The following BCL7A variants were observed in gnomAD, a reference collection of about 807,000 sequenced individuals.
BCL7A encodes BAF chromatin remodeling complex subunit BCL7A, also known as B-cell CLL/lymphoma 7 protein family member A.
In BCL7A, 11 loss-of-function variants were observed where a neutral mutation model predicts 28.4. That is an observed-to-expected ratio of 0.39 (90% confidence interval 0.24 to 0.64). The LOEUF (loss-of-function observed/expected upper bound fraction) is 0.64. BCL7A is among the 30% of genes least tolerant of loss of function. The probability of loss-of-function intolerance (pLI) is 0.50; values close to 1 mark genes in which losing one functional copy is unlikely to be tolerated. For synonymous variants in BCL7A, 123 were observed against 103.3 expected (o/e 1.19, Z -1.15); for missense variants, 222 against 274.8 (o/e 0.81, Z 1.36).
intron 1 of BCL7A, among the ~76,000 whole-genome samples, chr12:122,027,056 G>A (rs182897412): frequency 2.0e-5 from 3 of 152,296 alleles, no homozygotes; most frequent in East Asian, 1.9e-4. Flanking sequence ...GACAGGAGGC[G>A]CGGGGCACAC....
chr12:122,024,467 T>TG (rs969277799), intron 1 of BCL7A, among the ~76,000 whole-genome samples: 2 of 151,582 alleles, frequency 1.3e-5, no homozygotes, highest in African/African-American at 4.8e-5. Flanking sequence ...TTTTTGTTTT[T>TG]TTTTTTTTTT....
At position 122,044,194 on chromosome 12, in the gene BCL7A, A is replaced by G. The variant is rs747813310; in HGVS notation, c.439+141A>G. The G allele has an allele frequency of 1.5e-5, 15 of 969,654 alleles. No individual in the cohort carries two copies. In the East Asian group the frequency reaches 1.7e-4, roughly 11 times the overall value. The allele number at this position is 969,654 out of a possible 1,614,324, so 60.1% of individuals were successfully genotyped here. ...TAAAGAGAGGTGACACCTGGAGTAC[A>G]TGGTCTCGTGGGGGAATTAAAAAAA... On this transcript the variant is annotated intron_variant, in intron 4 of 5. Coordinates refer to ENST00000261822, the MANE Select transcript of BCL7A (RefSeq NM_001024808.3).
chr12:122,049,093 G>A (rs1463404082), intron 4 of BCL7A, among the ~76,000 whole-genome samples: 1 of 143,102 alleles, frequency 7.0e-6, no homozygotes, highest in Non-Finnish European at 1.5e-5. Context: ...TAAAACTATA[G>A]GCATGTGCCT....
At position 122,055,780 on chromosome 12, in the gene BCL7A, G is replaced by A. The variant is rs369440322; in HGVS notation, c.561+854G>A. Among the ~76,000 whole-genome samples, 9 of 152,248 alleles carry A rather than the reference G, an allele frequency of 5.9e-5. No individual in the cohort carries two copies. The East Asian group carries it at 1.7e-3, about 29-fold the overall frequency. On this transcript the variant is annotated intron_variant, in intron 5 of 5. Coordinates refer to ENST00000261822, the MANE Select transcript of BCL7A (RefSeq NM_001024808.3). The stretch of plus-strand genomic sequence containing the variant: ...ATTACAGGTGCCTACCACTCTGCCT[G>A]GCTGATTTTTGTATTTTTAGTAGAG...
At chr12:122,044,829 ATATAAT>A (rs775494048) in intron 4 of BCL7A, among the ~76,000 whole-genome samples, 30 of 152,196 alleles carry the variant, frequency 2.0e-4, no homozygotes, top group Non-Finnish European at 3.5e-4. Flanking sequence ...CTGGCTCAAA[ATATAAT>A]TATATTAATA....
At chr12:122,049,018 A>T (rs1264393066) in intron 4 of BCL7A, among the ~76,000 whole-genome samples, 2 of 33,192 alleles carry the variant, frequency 6.0e-5, no homozygotes, top group African/African-American at 3.2e-4. Context: ...TGAAACGTGT[A>T]AAAAAAAAAA....
chr12:122,044,669 C>T (rs907343561), intron 4 of BCL7A, among the ~76,000 whole-genome samples: 3 of 151,796 alleles, frequency 2.0e-5, no homozygotes, highest in African/African-American at 7.3e-5. Context: ...CAAAAAAATG[C>T]TTTAAGATGA....
At chr12:122,045,695 G>A (rs1335613120) in intron 4 of BCL7A, among the ~76,000 whole-genome samples, 1 of 152,052 alleles carries the variant, frequency 6.6e-6, no homozygotes, top group East Asian at 1.9e-4. Context: ...TGGCTTTTGG[G>A]TTTCTTTTGC....
In BCL7A at chr12:122,021,961, T is replaced by TGA; in HGVS notation, c.-130_-129insAG. The stretch of plus-strand genomic sequence containing the variant: ...GTGTGTGTGTGTGTGTGTGTGTGAG[T>TGA]GTGTGCGTGTGAGAGTGCGAGTGTC... On this transcript the variant is annotated 5_prime_UTR_variant, in exon 1 of 6. Transcript: ENST00000261822. 6.5e-6 allele frequency: 4 copies of TGA among 619,886 alleles called. No homozygotes were observed. Among genetic ancestry groups the TGA allele is most frequent in the South Asian group, 3.6e-5 (2 of 56,072 alleles). 38.4% of individuals were successfully genotyped at this position (619,886 alleles called of 1,614,324 possible). A position where few individuals can be genotyped will look rare whatever the true frequency, so the allele number is the denominator to read the frequency against.
intron 4 of BCL7A, among the ~76,000 whole-genome samples, chr12:122,049,924 C>A (rs575828410): frequency 3.9e-5 from 6 of 151,976 alleles, no homozygotes; most frequent in Non-Finnish European, 8.8e-5. Context: ...AGGATGACAC[C>A]ACTAGCACAG....
At chr12:122,041,034 T>A (rs1451432282) in intron 3 of BCL7A, among the ~76,000 whole-genome samples, 1 of 152,006 alleles carries the variant, frequency 6.6e-6, no homozygotes, top group East Asian at 1.9e-4. Flanking sequence ...TTTTTTTTTT[T>A]AAGTCCCAGA....
At chr12:122,040,551 C>A (rs868325701) in intron 3 of BCL7A, among the ~76,000 whole-genome samples, 1,642 of 145,464 alleles carry the variant, frequency 0.011, 38 homozygotes, top group African/African-American at 0.039. Context: ...AAAAAAAAAA[C>A]CAAAAGATCC....
At chr12:122,053,574 G>A (rs1248523884) in intron 4 of BCL7A, among the ~76,000 whole-genome samples, 1 of 152,144 alleles carries the variant, frequency 6.6e-6, no homozygotes, top group Non-Finnish European at 1.5e-5. Context: ...AGGGTACCAT[G>A]GTGTCCGGGC....
At chr12:122,041,341 G>A (rs997451638) in intron 3 of BCL7A, among the ~76,000 whole-genome samples, 3 of 152,178 alleles carry the variant, frequency 2.0e-5, no homozygotes, top group African/African-American at 7.2e-5. Context: ...GGTGGCAGGT[G>A]CCCAGGTCTG....
intron 3 of BCL7A, among the ~76,000 whole-genome samples, chr12:122,037,744 C>T (rs772393910): frequency 4.0e-5 from 6 of 151,760 alleles, no homozygotes; most frequent in Admixed American, 6.6e-5. Context: ...GTTGGGAGTT[C>T]GAGACTAGCC....
chr12:122,023,068 G>A (rs995029032), intron 1 of BCL7A, among the ~76,000 whole-genome samples: 5 of 152,198 alleles, frequency 3.3e-5, no homozygotes, highest in African/African-American at 1.2e-4. Flanking sequence ...CGTGGTTTTC[G>A]GGATCACATT....
At chr12:122,035,720 G>A (rs1883836587) in intron 3 of BCL7A, among the ~76,000 whole-genome samples, 1 of 152,220 alleles carries the variant, frequency 6.6e-6, no homozygotes, top group Non-Finnish European at 1.5e-5. Flanking sequence ...AGCCTCGTGT[G>A]TCCAGGAAGA....
intron 5 of BCL7A, among the ~76,000 whole-genome samples, chr12:122,058,873 C>T (rs1410348787): frequency 1.3e-5 from 2 of 152,144 alleles, no homozygotes; most frequent in Non-Finnish European, 2.9e-5. Flanking sequence ...CCAGGGGACA[C>T]CGCGCTCCAT....
At position 122,021,971 on chromosome 12, in the gene BCL7A, T is replaced by TGTGC; in HGVS notation, c.-120_-119insTGCG. 2 of 678,632 alleles carry TGTGC rather than the reference T, an allele frequency of 2.9e-6. No individual in the cohort carries two copies. Among genetic ancestry groups the TGTGC allele is most frequent in the South Asian group, 3.4e-5 (2 of 58,764 alleles). The allele number at this position is 678,632 out of a possible 1,614,324, so 42.0% of individuals were successfully genotyped here. On this transcript the variant is annotated 5_prime_UTR_variant, in exon 1 of 6. Coordinates refer to ENST00000261822, the MANE Select transcript of BCL7A (RefSeq NM_001024808.3). ...GTGTGTGTGTGTGAGTGTGTGCGTGTGAGAGTGCGAGTGTCTGTGCGCGAG... is the reference window on the plus strand; with the variant it reads ...GTGTGTGTGTGTGAGTGTGTGCGTGTGTGCGAGAGTGCGAGTGTCTGTGCGCGAG...
Sources: gnomAD v4.1 joint callset for allele counts (sites outside exome capture counted in the v4.1 genomes callset) on GRCh38, gnomAD v4.1.1 for gene constraint, MANE v1.5 for transcripts, NCBI Gene and HGNC (gene_info 2026-07-23, HGNC 2026-07-21) for gene names.